SLC25A24: variants seen among roughly 807,000 people sequenced by gnomAD.
The protein encoded by SLC25A24 is mitochondrial adenyl nucleotide antiporter SLC25A24.
SLC25A24 carries 49 observed loss-of-function variants against 60.7 expected under a neutral mutation model. The observed-to-expected ratio is 0.81, with a 90% CI of 0.64 to 1.02. The LOEUF is 1.02. SLC25A24 is among the 50% of genes least tolerant of loss of function. The probability of loss-of-function intolerance (pLI) is 0.00; values close to 1 mark genes in which losing one functional copy is unlikely to be tolerated. For synonymous variants in SLC25A24, 202 were observed against 200.6 expected, an observed-to-expected ratio of 1.01 and a Z score of -0.06; for missense variants, 564 against 586.3, an observed-to-expected ratio of 0.96 and a Z score of 0.39.
At chr1:108,168,139 A>G (rs1451277984) in intron 3 of SLC25A24, among the ~76,000 whole-genome samples, 1 of 152,218 alleles carries the variant, frequency 6.6e-6, no homozygotes, top group Non-Finnish European at 1.5e-5. Context: ...TGGCAGTCAA[A>G]TAAAATGCAA....
At position 108,187,351 on chromosome 1, in the gene SLC25A24, G is replaced by C. The variant is rs115838995; in HGVS notation, c.184-1397C>G. On this transcript the variant is annotated intron_variant, in intron 1 of 9. Coordinates refer to ENST00000565488, the MANE Select transcript of SLC25A24 (RefSeq NM_013386.5). ...AGTTGAAGGAAATAAAGAGCAAAAA[G>C]TAATGAGAAAGAAAACACACCATTG... Among the ~76,000 whole-genome samples the C allele has an allele frequency of 6.4e-3, 972 of 152,112 alleles. 9 individuals are homozygous for C. The highest frequency in any genetic ancestry group is 0.022 in the African/African-American group (929 of 41,514).
At chr1:108,152,373 TA>T (rs1237004811) in intron 6 of SLC25A24, among the ~76,000 whole-genome samples, 1 of 152,056 alleles carries the variant, frequency 6.6e-6, no homozygotes, top group African/African-American at 2.4e-5. Context: ...TTTATTTATT[TA>T]TTTTTTTTTT....
At chr1:108,164,800 T>C (rs1337585815) in intron 3 of SLC25A24, among the ~76,000 whole-genome samples, 2 of 100,564 alleles carry the variant, frequency 2.0e-5, no homozygotes, top group Non-Finnish European at 4.1e-5. Flanking sequence ...CCTTCAGTTC[T>C]GCTCTGATTT....
At chr1:108,149,664 G>A (rs964692504) in intron 6 of SLC25A24, among the ~76,000 whole-genome samples, 2 of 152,084 alleles carry the variant, frequency 1.3e-5, no homozygotes, top group Admixed American at 6.5e-5. Context: ...AATGTGAGGG[G>A]GTCTCCAGAG....
At chr1:108,141,317 AACAGCAAC>A (rs1197064944) in intron 8 of SLC25A24, among the ~76,000 whole-genome samples, 1 of 152,192 alleles carries the variant, frequency 6.6e-6, no homozygotes, top group Non-Finnish European at 1.5e-5. Context: ...GGGAGGAATA[AACAGCAAC>A]ACAGCAATAG....
chr1:108,154,558 C>G (rs10785836), intron 6 of SLC25A24, among the ~76,000 whole-genome samples: 76,644 of 151,710 alleles, frequency 0.51, 19,883 homozygotes, highest in African/African-American at 0.62. Context: ...ACGCCCCTGC[C>G]TTCATGGAGG....
Position 108,200,103 on chromosome 1 carries a change from G to A in SLC25A24, c.36C>T (p.Thr12=), listed in dbSNP as rs765703750. The A allele has an allele frequency of 4.3e-5, 67 of 1,570,806 alleles. No individual in the cohort carries two copies. Among genetic ancestry groups the A allele is most frequent in the Non-Finnish European group, 5.8e-5 (67 of 1,158,980 alleles). Residue 12 remains threonine, a synonymous_variant, in exon 1 of 10, where the codon ACC becomes ACT. Coordinates refer to ENST00000565488, the MANE Select transcript of SLC25A24 (RefSeq NM_013386.5). ...GCTGCTCCGCGTCCTGGCAGGCCGC[G>A]GTGGGCAGCACGAAGTCCCGCAGCC... The part of the protein sequence containing the change: ...LRWLRDFVLP[T]AACQDAEQPT...
At chr1:108,146,102 T>C (rs1679581502) in intron 7 of SLC25A24, among the ~76,000 whole-genome samples, 1 of 152,212 alleles carries the variant, frequency 6.6e-6, no homozygotes, top group Non-Finnish European at 1.5e-5. Flanking sequence ...AGGAGTGGTT[T>C]GTAGTTCTCC....
chr1:108,160,670 G>A (rs931420876), intron 4 of SLC25A24, among the ~76,000 whole-genome samples: 1 of 152,254 alleles, frequency 6.6e-6, no homozygotes, highest in Admixed American at 6.5e-5. Flanking sequence ...ATTGAGCACT[G>A]AGTGAACGAG....
At chr1:108,139,702 C>A (rs1411304798) in intron 8 of SLC25A24, among the ~76,000 whole-genome samples, 1 of 152,054 alleles carries the variant, frequency 6.6e-6, no homozygotes. Flanking sequence ...ATCTCTGCCT[C>A]CCAGGTTCAA....
chr1:108,176,779 T>C (rs1647688238), intron 3 of SLC25A24, among the ~76,000 whole-genome samples: 1 of 152,136 alleles, frequency 6.6e-6, no homozygotes, highest in South Asian at 2.1e-4. Flanking sequence ...CCCAGCAAAG[T>C]GTCCTTCAGA....
intron 7 of SLC25A24, among the ~76,000 whole-genome samples, chr1:108,147,057 G>A (rs1679623208): frequency 6.6e-6 from 1 of 152,046 alleles, no homozygotes; most frequent in Admixed American, 6.6e-5. Context: ...GTTTTTTTTG[G>A]TTGGTAGGCT....
chr1:108,178,699 A>G (rs374541380), intron 3 of SLC25A24, among the ~76,000 whole-genome samples: 12 of 152,076 alleles, frequency 7.9e-5, no homozygotes, highest in Admixed American at 7.9e-4. Flanking sequence ...CTGTAGTCCC[A>G]GCTACTCGGG....
In SLC25A24 at chr1:108,139,062, A is replaced by C; in HGVS notation, c.1245T>G (p.Ala415=). ...GTTCTGTAATCAAAAATTCACCTTG[A>C]GCCTGCATGCGAGTTCTCACCAAAG... ...PLALVRTRMQ[A]QAMLEGSPQL... The change falls in exon 9 of 10, where the codon GCT becomes GCG. Residue 415 remains alanine (A), a synonymous_variant. Coordinates refer to ENST00000565488, the MANE Select transcript of SLC25A24 (RefSeq NM_013386.5). 6.3e-7 allele frequency: 1 copy of C among 1,586,186 alleles called. No homozygotes were observed. Among genetic ancestry groups the C allele is most frequent in the South Asian group, 1.2e-5 (1 of 85,406 alleles).
Position 108,134,971 on chromosome 1 carries a change from C to A in SLC25A24, c.*1682G>T, listed in dbSNP as rs1295888698. ...ACAAGATGTACAGACAAATCACATT[C>A]ATACCTTACAATTTAAATTCATAAT... On this transcript the variant is annotated 3_prime_UTR_variant, in exon 10 of 10. Transcript: ENST00000565488. 2 of 152,120 alleles carry A rather than the reference C, an allele frequency of 1.3e-5. No homozygotes were observed. Among genetic ancestry groups the A allele is most frequent in the African/African-American group, 4.8e-5 (2 of 41,440 alleles). 9.4% of individuals were successfully genotyped at this position (152,120 alleles called of 1,614,324 possible).
intron 1 of SLC25A24, among the ~76,000 whole-genome samples, chr1:108,187,131 T>C (rs1024285376): frequency 6.6e-6 from 1 of 151,028 alleles, no homozygotes; most frequent in South Asian, 2.1e-4. Flanking sequence ...GATGGTTTCA[T>C]GGTCATGGTC....
At chr1:108,194,245 G>T (rs1284088718) in intron 1 of SLC25A24, among the ~76,000 whole-genome samples, 1 of 138,240 alleles carries the variant, frequency 7.2e-6, no homozygotes, top group Non-Finnish European at 1.6e-5. Flanking sequence ...ACGCTTCTCA[G>T]TAAACATTTT....
intron 3 of SLC25A24, among the ~76,000 whole-genome samples, chr1:108,163,321 A>G (rs1198292606): frequency 2.1e-5 from 3 of 141,340 alleles, no homozygotes; most frequent in African/African-American, 8.3e-5. Flanking sequence ...GTTTTTTCCA[A>G]TTCTGTGAAG....
chr1:108,167,513 G>A (rs796140949), intron 3 of SLC25A24, among the ~76,000 whole-genome samples: 10 of 152,276 alleles, frequency 6.6e-5, no homozygotes, highest in Admixed American at 2.6e-4. Context: ...TTTTAAGCCC[G>A]TCAGAAAAGC....
Sources: allele counts gnomAD v4.1 joint callset (sites outside exome capture counted in the v4.1 genomes callset), GRCh38; gene constraint gnomAD v4.1.1; transcripts MANE v1.5; gene names NCBI Gene and HGNC (gene_info 2026-07-23, HGNC 2026-07-21).